Variants in OTULINL observed in about 807,000 individuals in gnomAD.
OTULINL encodes the protein inactive ubiquitin thioesterase OTULINL.
A neutral mutation model predicts 43.9 loss-of-function variants in OTULINL; 42 were observed. The ratio of observed to expected loss-of-function variants is 0.96; its 90% CI spans 0.75 to 1.24. The LOEUF (loss-of-function observed/expected upper bound fraction) is 1.24. OTULINL is among the 50% of genes most tolerant of loss of function. The probability of loss-of-function intolerance (pLI) is 0.00; values close to 1 mark genes in which losing one functional copy is unlikely to be tolerated. For synonymous variants in OTULINL, 172 were observed against 153.6 expected (o/e 1.12, Z -0.88); for missense variants, 411 against 426.4 (o/e 0.96, Z 0.32).
chr5:14,609,631 T>C (rs1339642812), intron 7 of OTULINL, among the ~76,000 whole-genome samples: 7 of 1,506 alleles, frequency 4.6e-3, no homozygotes, highest in Non-Finnish European at 7.1e-3. Context: ...ATTTTTTTTT[T>C]TTTTTTTTTT....
At position 14,601,091 on chromosome 5, in the gene OTULINL, G is replaced by A. The variant is rs951380416; in HGVS notation, c.191G>A (p.Arg64Lys). The A allele has an allele frequency of 6.2e-7, 1 of 1,612,812 alleles. No individual in the cohort carries two copies. The highest frequency in any genetic ancestry group is 1.3e-5 in the African/African-American group (1 of 74,764). Reference sequence around the variant, plus strand: ...GTGGCTGCCATCTGCTACTTCCGGAGGCTACATTTATATTCAGGGCACAAG... The same window carrying A: ...GTGGCTGCCATCTGCTACTTCCGGAAGCTACATTTATATTCAGGGCACAAG... ...FLVAAICYFR[R>K]LHLYSGHKLK... is the part of the protein sequence containing the mutation. Residue 64 changes from arginine (R) to lysine (K), a missense_variant, in exon 2 of 8, where the codon AGG (arginine) becomes AAG (lysine). Transcript: ENST00000274217.
In OTULINL at chr5:14,608,794, T is replaced by G. The variant is rs569686210; in HGVS notation, c.674T>G (p.Met225Arg). 1.4e-5 allele frequency: 23 copies of G among 1,612,722 alleles called. No homozygotes were observed. The highest frequency in any genetic ancestry group is 1.9e-5 in the Non-Finnish European group (22 of 1,178,922). ...GIRDYHKRGS[M>R]CNTLFSDAIL... Reference sequence around the variant, plus strand: ...AGAGATTATCACAAGAGAGGAAGTATGTGCAACACCCTTTTTTCAGATGCC... The same window carrying G: ...AGAGATTATCACAAGAGAGGAAGTAGGTGCAACACCCTTTTTTCAGATGCC... Residue 225 changes from methionine (M) to arginine (R), a missense_variant, in exon 7 of 8, where the codon ATG becomes AGG. Transcript: ENST00000274217.
At chr5:14,597,147 G>A (rs1164038990) in intron 1 of OTULINL, among the ~76,000 whole-genome samples, 1 of 152,150 alleles carries the variant, frequency 6.6e-6, no homozygotes, top group Non-Finnish European at 1.5e-5. Context: ...GGTTACTAGA[G>A]TAATAACAAT....
intron 1 of OTULINL, among the ~76,000 whole-genome samples, chr5:14,597,345 C>T (rs1344965257): frequency 6.6e-6 from 1 of 152,086 alleles, no homozygotes; most frequent in Non-Finnish European, 1.5e-5. Flanking sequence ...GCACCAGGCT[C>T]TACTATGTGC....
chr5:14,597,041 T>G (rs551804901), intron 1 of OTULINL, among the ~76,000 whole-genome samples: 1 of 152,182 alleles, frequency 6.6e-6, no homozygotes. Flanking sequence ...ATCACATTGC[T>G]CCTGTTTTTG....
Position 14,607,593 on chromosome 5 carries a change from C to T in OTULINL, c.627+135C>T, listed in dbSNP as rs902193214. ...GTGCAAGCAGAAATGCTTCTAGTAA[C>T]TGATGATTTCCCTCCTTATTCTTCC... On this transcript the variant is annotated intron_variant, in intron 6 of 7. Coordinates refer to ENST00000274217, the MANE Select transcript of OTULINL (RefSeq NM_019018.3). 4 of 1,047,514 alleles carry T rather than the reference C, an allele frequency of 3.8e-6. No individual in the cohort carries two copies. In the African/African-American group the frequency reaches 4.9e-5, roughly 13 times the overall value. The allele number at this position is 1,047,514 out of a possible 1,614,324, so 64.9% of individuals were successfully genotyped here.
chr5:14,594,429 T>C (rs1759253869), intron 1 of OTULINL, among the ~76,000 whole-genome samples: 1 of 152,178 alleles, frequency 6.6e-6, no homozygotes, highest in African/African-American at 2.4e-5. Flanking sequence ...TTCCCTGCAG[T>C]CACACTGAGG....
rs1759643321 is a variant in OTULINL, at chr5:14,614,750, C to G, written c.*4436C>G. On this transcript the variant is annotated 3_prime_UTR_variant, in exon 8 of 8. Coordinates refer to ENST00000274217, the MANE Select transcript of OTULINL (RefSeq NM_019018.3). ...GGGAACAGTGTGGCCCAAGAGCCAG[C>G]ATGGAGGAGGGCTGTGTGAGCAGAC... 2.5e-6 allele frequency: 1 copy of G among 398,548 alleles called. No homozygotes were observed. The allele number at this position is 398,548 out of a possible 1,614,324, so 24.7% of individuals were successfully genotyped here. A position where few individuals can be genotyped will look rare whatever the true frequency, so the allele number is the denominator to read the frequency against.
At chr5:14,595,250 G>A (rs1362201544) in intron 1 of OTULINL, among the ~76,000 whole-genome samples, 2 of 152,164 alleles carry the variant, frequency 1.3e-5, no homozygotes, top group African/African-American at 4.8e-5. Context: ...TAGAGAGAAA[G>A]TGTGGAGGTA....
Position 14,610,716 on chromosome 5 carries a change from G to C in OTULINL, c.*402G>C, listed in dbSNP as rs1375938957. ...GTTCTTCATTAAAAATCTTATCTTG[G>C]ACTGATTTGAGGGATTTTTAGAAAC... On this transcript the variant is annotated 3_prime_UTR_variant, in exon 8 of 8. Transcript: ENST00000274217. The C allele has an allele frequency of 6.3e-6, 1 of 157,484 alleles. No individual in the cohort carries two copies. The highest frequency in any genetic ancestry group is 2.4e-5 in the African/African-American group (1 of 41,518). The allele number at this position is 157,484 out of a possible 1,614,324, so 9.8% of individuals were successfully genotyped here.
chr5:14,597,731 A>G (rs1759311519), intron 1 of OTULINL, among the ~76,000 whole-genome samples: 1 of 152,182 alleles, frequency 6.6e-6, no homozygotes, highest in African/African-American at 2.4e-5. Flanking sequence ...TCACAAGTCC[A>G]ACAGAGTACC....
At chr5:14,591,914 A>C (rs1579917488) in intron 1 of OTULINL, among the ~76,000 whole-genome samples, 1 of 152,180 alleles carries the variant, frequency 6.6e-6, no homozygotes, top group South Asian at 2.1e-4. Flanking sequence ...AAATAAAAAG[A>C]ATACCACTTC....
chr5:14,589,999 A>G (rs1488604149), intron 1 of OTULINL, among the ~76,000 whole-genome samples: 4 of 152,186 alleles, frequency 2.6e-5, no homozygotes, highest in Admixed American at 1.3e-4. Flanking sequence ...GCTTCCAGCC[A>G]TAGAAAAACA....
rs1361360804 is a variant in OTULINL, at chr5:14,610,233, C to T, written c.990C>T (p.Tyr330=). ...ACTCCAGAGACTTTGAAGTCTGCTA[C>T]CCAGAGGAGCCTCTCAGGGACTGGC... The part of the protein sequence containing the change: ...KFNSRDFEVC[Y]PEEPLRDWPE... The change falls in exon 8 of 8, where the codon TAC becomes TAT. Residue 330 remains tyrosine (Y), a synonymous_variant. Transcript: ENST00000274217. 1.2e-6 allele frequency: 2 copies of T among 1,613,914 alleles called. No individual in the cohort carries two copies. The highest frequency in any genetic ancestry group is 1.7e-6 in the Non-Finnish European group (2 of 1,179,984).
chr5:14,587,830 G>A (rs1258238457), intron 1 of OTULINL, among the ~76,000 whole-genome samples: 1 of 152,118 alleles, frequency 6.6e-6, no homozygotes, highest in East Asian at 1.9e-4. Context: ...TTCACACTTT[G>A]CTGCATCTTC....
chr5:14,595,264 A>C (rs1239699468), intron 1 of OTULINL, among the ~76,000 whole-genome samples: 1 of 152,128 alleles, frequency 6.6e-6, no homozygotes, highest in Non-Finnish European at 1.5e-5. Flanking sequence ...GGAGGTACTG[A>C]TATTGTATAT....
At position 14,610,109 on chromosome 5, in the gene OTULINL, T is replaced by C. The variant is rs758015430; in HGVS notation, c.898-32T>C. On this transcript the variant is annotated intron_variant, in intron 7 of 7. Transcript: ENST00000274217. ...CGGGAGGCAGGAATTTGCAAGTGTG[T>C]ATCTGTGACCTGTCTTTCATCTCAT... 3.1e-6 allele frequency: 5 copies of C among 1,590,644 alleles called. No individual in the cohort carries two copies. The Admixed American group carries it at 8.4e-5, about 27-fold the overall frequency.
rs766815636 is a variant in OTULINL, at chr5:14,601,186, ATAT to A, written c.225-22_225-20del. 4 of 1,611,828 alleles carry A rather than the reference ATAT, an allele frequency of 2.5e-6. No individual in the cohort carries two copies. In the South Asian group the frequency reaches 4.4e-5, roughly 18 times the overall value. ...CTTTACTATTCAAAGCAGAATTCTGATATTATTGTTCCCTTTTATCTTTCAGGT... is the reference window on the plus strand; with the variant it reads ...CTTTACTATTCAAAGCAGAATTCTGATATTGTTCCCTTTTATCTTTCAGGT... On this transcript the variant is annotated intron_variant, in intron 2 of 7. Coordinates refer to ENST00000274217, the MANE Select transcript of OTULINL (RefSeq NM_019018.3).
intron 7 of OTULINL, among the ~76,000 whole-genome samples, chr5:14,609,751 C>T (rs908271084): frequency 1.3e-5 from 2 of 151,938 alleles, no homozygotes; most frequent in South Asian, 4.1e-4. Context: ...CTGCCTCAGC[C>T]TCCCGAGTAG....
Sources: gnomAD v4.1 joint callset for allele counts (sites outside exome capture counted in the v4.1 genomes callset) on GRCh38, gnomAD v4.1.1 for gene constraint, MANE v1.5 for transcripts, NCBI Gene and HGNC (gene_info 2026-07-23, HGNC 2026-07-21) for gene names.